Variants in ME3 observed in about 807,000 individuals in gnomAD.
ME3 encodes malic enzyme 3, also known as NADP-dependent malic enzyme, mitochondrial.
A neutral mutation model predicts 68.9 loss-of-function variants in ME3; 48 were observed. That is an observed-to-expected ratio of 0.70 (90% CI 0.55 to 0.89). ME3 has a LOEUF of 0.89. ME3 is among the 40% of genes least tolerant of loss of function. The pLI is 0.00. For missense variants in ME3, 675 were observed against 797.4 expected, an observed-to-expected ratio of 0.85 and a Z score of 1.85; for synonymous variants, 320 against 318.8, an observed-to-expected ratio of 1.00 and a Z score of -0.04.
At chr11:86,501,608 T>G (rs1429052598) in intron 5 of ME3, among the ~76,000 whole-genome samples, 4 of 152,212 alleles carry the variant, frequency 2.6e-5, no homozygotes, top group African/African-American at 9.7e-5. Context: ...CCAATAGTCT[T>G]CCCAATTCCC....
intron 2 of ME3, among the ~76,000 whole-genome samples, chr11:86,609,487 T>A (rs890349935): frequency 7.2e-5 from 11 of 152,176 alleles, no homozygotes; most frequent in Non-Finnish European, 1.2e-4. Context: ...AAATGAATAT[T>A]TGCTAAATGA....
At chr11:86,503,411 C>T (rs1273318056) in intron 5 of ME3, among the ~76,000 whole-genome samples, 2 of 152,338 alleles carry the variant, frequency 1.3e-5, no homozygotes, top group East Asian at 3.9e-4. Context: ...CTTCCAAGGG[C>T]AGCCCCATAT....
intron 7 of ME3, among the ~76,000 whole-genome samples, chr11:86,481,961 G>T (rs574506450): frequency 2.2e-4 from 33 of 152,280 alleles, no homozygotes; most frequent in African/African-American, 7.2e-4. Flanking sequence ...AGCAATCAGA[G>T]CTGGCACAAG....
chr11:86,484,863 C>T lies in ME3; in HGVS notation c.809+2474G>A, dbSNP rs762525450. Among the ~76,000 whole-genome samples, 6 of 152,300 alleles carry T rather than the reference C, an allele frequency of 3.9e-5. No individual in the cohort carries two copies. In the South Asian group the frequency reaches 8.3e-4, roughly 21 times the overall value. ...TGTGACCTGAGATAGCTAACTTGGC[C>T]TCTCTGAGTCTCAGTTTTCTCTTGC... On this transcript the variant is annotated intron_variant, in intron 7 of 14. Transcript: ENST00000543262.
At position 86,556,708 on chromosome 11, in the gene ME3, A is replaced by C; in HGVS notation, c.318-6T>G. 1.2e-6 allele frequency: 2 copies of C among 1,613,560 alleles called. No individual in the cohort carries two copies. Among genetic ancestry groups the C allele is most frequent in the Non-Finnish European group, 1.7e-6 (2 of 1,179,620 alleles). On this transcript the variant is annotated splice_region_variant and splice_polypyrimidine_tract_variant and intron_variant, in intron 3 of 14. Transcript: ENST00000543262. The stretch of plus-strand genomic sequence containing the variant: ...GTGTCATGAGAATGATGTACCTTGT[A>C]AAAGGAGAGAAAAAGCAAGCTGACA...
chr11:86,593,674 G>T (rs1047310029), intron 2 of ME3, among the ~76,000 whole-genome samples: 1 of 146,244 alleles, frequency 6.8e-6, no homozygotes, highest in Non-Finnish European at 1.5e-5. Context: ...GTATCATTTT[G>T]TTCTATTTTC....
At chr11:86,436,550 T>G (rs192094540), downstream of ME3, 240 of 152,262 alleles carry the variant, frequency 1.6e-3, no homozygotes, top group African/African-American at 5.7e-3. Flanking sequence ...ATCATGCTTT[T>G]AAAGTTGTAT....
intron 2 of ME3, among the ~76,000 whole-genome samples, chr11:86,583,406 G>A (rs1019896956): frequency 1.3e-5 from 2 of 152,118 alleles, no homozygotes; most frequent in Non-Finnish European, 2.9e-5. Flanking sequence ...AAACGAAAAT[G>A]GTTATCAAAT....
chr11:86,508,587 A>G (rs1953260243), intron 5 of ME3, among the ~76,000 whole-genome samples: 1 of 152,212 alleles, frequency 6.6e-6, no homozygotes, highest in Non-Finnish European at 1.5e-5. Flanking sequence ...AATGAAGGGC[A>G]ATGTCACATG....
intron 2 of ME3, among the ~76,000 whole-genome samples, chr11:86,647,626 A>T (rs1945112999): frequency 6.6e-6 from 1 of 152,236 alleles, no homozygotes; most frequent in African/African-American, 2.4e-5. Context: ...ATAAAAAAAG[A>T]CTTTAAACCA....
At chr11:86,583,623 G>A (rs903538050) in intron 2 of ME3, among the ~76,000 whole-genome samples, 1 of 152,082 alleles carries the variant, frequency 6.6e-6, no homozygotes, top group African/African-American at 2.4e-5. Context: ...AGGACATAAG[G>A]AACCCCAGGA....
chr11:86,473,762 G>C (rs893516172), intron 7 of ME3, among the ~76,000 whole-genome samples: 1 of 142,666 alleles, frequency 7.0e-6, no homozygotes, highest in African/African-American at 2.9e-5. Flanking sequence ...AAGGATGACA[G>C]GGAATCTATA....
chr11:86,604,098 TAAAAAAAAAAGTTA>T (rs1193043659), intron 2 of ME3, among the ~76,000 whole-genome samples: 9 of 139,468 alleles, frequency 6.5e-5, no homozygotes, highest in African/African-American at 1.9e-4. Context: ...AGTATAATAA[TAAAAAAAAAAGTTA>T]AAAAAAAAAA....
chr11:86,466,608 G>A (rs1215083118), intron 7 of ME3, among the ~76,000 whole-genome samples: 1 of 152,158 alleles, frequency 6.6e-6, no homozygotes, highest in Non-Finnish European at 1.5e-5. Flanking sequence ...GGAGTGAGGA[G>A]CACTGAAATG....
intron 7 of ME3, among the ~76,000 whole-genome samples, chr11:86,469,322 A>G (rs1381090970): frequency 6.6e-6 from 1 of 152,320 alleles, no homozygotes; most frequent in Admixed American, 6.5e-5. Context: ...GGGAGGTTAG[A>G]CATTTCTCTG....
At chr11:86,527,629 G>A (rs1954862671) in intron 4 of ME3, among the ~76,000 whole-genome samples, 1 of 152,152 alleles carries the variant, frequency 6.6e-6, no homozygotes, top group South Asian at 2.1e-4. Flanking sequence ...ACCCACAAAG[G>A]GAAGCCCATC....
At position 86,535,037 on chromosome 11, in the gene ME3, T is replaced by G. The variant is rs777441415; in HGVS notation, c.467+21516A>C. 3.3e-5 allele frequency among the ~76,000 whole-genome samples: 5 copies of G among 152,294 alleles called. No homozygotes were observed. The East Asian group carries it at 7.7e-4, about 23-fold the overall frequency. ...GAAGGTTTAAAACCACTGGCCTAGGTAGAGGTTTACTCTCAAACACTGCCC... is the reference window on the plus strand; with the variant it reads ...GAAGGTTTAAAACCACTGGCCTAGGGAGAGGTTTACTCTCAAACACTGCCC... On this transcript the variant is annotated intron_variant, in intron 4 of 14. Transcript: ENST00000543262.
chr11:86,547,663 A>G (rs895619856), intron 4 of ME3, among the ~76,000 whole-genome samples: 2 of 152,170 alleles, frequency 1.3e-5, no homozygotes, highest in African/African-American at 4.8e-5. Flanking sequence ...AAAACCAAAA[A>G]CAAAAAAAAT....
At position 86,617,343 on chromosome 11, in the gene ME3, C is replaced by G. The variant is rs1388092195; in HGVS notation, c.183+54419G>C. ...TATTTTGTTTAGTTTGAAGGTTCTT[C>G]TTTCCAATTCTTAGTTTCCTCTAAG... On this transcript the variant is annotated intron_variant, in intron 2 of 14. Transcript: ENST00000543262. 1.1e-4 allele frequency among the ~76,000 whole-genome samples: 16 copies of G among 152,022 alleles called. No homozygotes were observed. In the East Asian group the frequency reaches 3.1e-3, roughly 29 times the overall value.
Sources: gnomAD v4.1 joint callset for allele counts (sites outside exome capture counted in the v4.1 genomes callset) on GRCh38, gnomAD v4.1.1 for gene constraint, MANE v1.5 for transcripts, NCBI Gene and HGNC (gene_info 2026-07-23, HGNC 2026-07-21) for gene names.